LRRC8A: variants seen among roughly 807,000 people sequenced by gnomAD.
The protein encoded by LRRC8A is volume-regulated anion channel subunit LRRC8A.
In LRRC8A, 24 loss-of-function variants were observed where a neutral mutation model predicts 52.5. The observed-to-expected ratio is 0.46, with a 90% CI of 0.33 to 0.64. The LOEUF is 0.64. Ranked by LOEUF, LRRC8A falls within the 30% of genes least tolerant of loss-of-function variation. The pLI, the probability that LRRC8A is intolerant of heterozygous loss-of-function variation, is 0.02. For missense variants in LRRC8A, 677 were observed against 1,094.7 expected (o/e 0.62, Z 5.38); for synonymous variants, 492 against 494.2 (o/e 1.00, Z 0.06).
rs750473585 is a variant in LRRC8A, at chr9:128,907,010, G to A, written c.-8-147G>A. 125 of 738,714 alleles carry A rather than the reference G, an allele frequency of 1.7e-4. No homozygotes were observed. The highest frequency in any genetic ancestry group is 9.9e-4 in the East Asian group (39 of 39,414). The allele number at this position is 738,714 out of a possible 1,614,324, so 45.8% of individuals were successfully genotyped here. A position where few individuals can be genotyped will look rare whatever the true frequency, so the allele number is the denominator to read the frequency against. On this transcript the variant is annotated intron_variant, in intron 2 of 3. Coordinates refer to ENST00000372600, the MANE Select transcript of LRRC8A (RefSeq NM_019594.4). This position sits in a 1 kb window ranked among gnomAD's most constrained non-coding sequence, Gnocchi z 9.3. ...GAAGGGCTGATAAGTGGGCTGCCCCGTGGAGTAGGCAGGCTTTGGCTCCCA... is the reference window on the plus strand; with the variant it reads ...GAAGGGCTGATAAGTGGGCTGCCCCATGGAGTAGGCAGGCTTTGGCTCCCA...
chr9:128,889,984 G>A (rs1428736711), intron 2 of LRRC8A, among the ~76,000 whole-genome samples: 1 of 151,932 alleles, frequency 6.6e-6, no homozygotes, highest in Non-Finnish European at 1.5e-5. Context: ...TGTATTTTTA[G>A]TAGAGACGGG....
chr9:128,910,270 A>T (rs1840452866), intron 3 of LRRC8A, among the ~76,000 whole-genome samples: 1 of 152,220 alleles, frequency 6.6e-6, no homozygotes, highest in South Asian at 2.1e-4. Flanking sequence ...AGGAAGCCTG[A>T]GGCCAGGCGC....
chr9:128,905,616 G>A (rs1176356780), intron 2 of LRRC8A, among the ~76,000 whole-genome samples: 5 of 152,116 alleles, frequency 3.3e-5, no homozygotes, highest in African/African-American at 9.7e-5. Context: ...AGGCTGAGAC[G>A]GGCAGATCAG....
chr9:128,913,122 T>G (rs370219831), intron 3 of LRRC8A, among the ~76,000 whole-genome samples: 2 of 152,098 alleles, frequency 1.3e-5, no homozygotes, highest in South Asian at 4.1e-4. Flanking sequence ...GACAGGAGTC[T>G]GCAGAAGAGG....
chr9:128,900,290 G>A (rs1456860237), intron 2 of LRRC8A, among the ~76,000 whole-genome samples: 1 of 152,228 alleles, frequency 6.6e-6, no homozygotes, highest in African/African-American at 2.4e-5. Flanking sequence ...GACTCTGAGT[G>A]TATCGAGTCC....
intron 1 of LRRC8A, chr9:128,884,881 A>G (rs56255134): frequency 1.1e-3 from 165 of 152,366 alleles, no homozygotes; most frequent in Non-Finnish European, 2.0e-3. Context: ...CCTACCTCCC[A>G]TGACGGCGGA....
At chr9:128,889,772 C>T (rs1588198541) in intron 2 of LRRC8A, among the ~76,000 whole-genome samples, 1 of 151,768 alleles carries the variant, frequency 6.6e-6, no homozygotes, top group Non-Finnish European at 1.5e-5. Flanking sequence ...GGACTACAGC[C>T]GTGAGCCACT....
rs931962069 is a variant in LRRC8A at position 128,911,855 on chromosome 9, C to T, written c.2157+2534C>T. Among the ~76,000 whole-genome samples, 3 of 152,244 alleles carry T rather than the reference C, an allele frequency of 2.0e-5. No individual in the cohort carries two copies. Among genetic ancestry groups the T allele is most frequent in the Non-Finnish European group, 2.9e-5 (2 of 68,040 alleles). On this transcript the variant is annotated intron_variant, in intron 3 of 3. Coordinates refer to ENST00000372600, the MANE Select transcript of LRRC8A (RefSeq NM_019594.4). This position sits in a 1 kb window ranked among gnomAD's most constrained non-coding sequence, Gnocchi z 4.9. ...AGGGAAAACAGTTCACTTGGGCCAA[C>T]CCCAGGCAGGCCCCTCATTCTGAGT...
intron 2 of LRRC8A, among the ~76,000 whole-genome samples, chr9:128,888,581 C>G (rs1468008464): frequency 2.0e-5 from 3 of 152,054 alleles, no homozygotes; most frequent in Non-Finnish European, 4.4e-5. Flanking sequence ...GAGGGCCCAC[C>G]CTGCCACCTG....
intron 2 of LRRC8A, among the ~76,000 whole-genome samples, chr9:128,889,015 CTTGCGTGTGAGG>C (rs1385240281): frequency 6.6e-6 from 1 of 152,168 alleles, no homozygotes; most frequent in African/African-American, 2.4e-5. Flanking sequence ...TCGCCACAGC[CTTGCGTGTGAGG>C]TTGCTTTACC....
chr9:128,902,452 G>C lies in LRRC8A; in HGVS notation c.-8-4705G>C, dbSNP rs1006948664. Reference sequence around the variant, plus strand: ...GCCCCAGGTCGGCGGGGCTGGGGCGGCTCCTCGCAGAGGAAGCAGGTGTTT... The same window carrying C: ...GCCCCAGGTCGGCGGGGCTGGGGCGCCTCCTCGCAGAGGAAGCAGGTGTTT... On this transcript the variant is annotated intron_variant, in intron 2 of 3. Coordinates refer to ENST00000372600, the MANE Select transcript of LRRC8A (RefSeq NM_019594.4). The surrounding 1 kb of genome is among the most constrained non-coding windows in gnomAD (Gnocchi z 4.1). Among the ~76,000 whole-genome samples, 4 of 152,178 alleles carry C rather than the reference G, an allele frequency of 2.6e-5. No individual in the cohort carries two copies. The highest frequency in any genetic ancestry group is 9.6e-5 in the African/African-American group (4 of 41,454).
In LRRC8A at chr9:128,897,840, G is replaced by A. The variant is rs142833182; in HGVS notation, c.-8-9317G>A. Among the ~76,000 whole-genome samples, 499 of 151,930 alleles carry A rather than the reference G, an allele frequency of 3.3e-3. 2 individuals are homozygous for A. Among genetic ancestry groups the A allele is most frequent in the African/African-American group, 0.011 (461 of 41,430 alleles). ...ATTACAGGCGTACACCTCCGTGCCT[G>A]GCAAAATAATCTTTTTTCTTAATTA... On this transcript the variant is annotated intron_variant, in intron 2 of 3. Transcript: ENST00000372600.
rs1840856824 is a variant in LRRC8A, at chr9:128,917,097, AT to A, written c.*728del. 1 of 146,466 alleles carries A rather than the reference AT, an allele frequency of 6.8e-6. No individual in the cohort carries two copies. The highest frequency in any genetic ancestry group is 1.5e-5 in the Non-Finnish European group (1 of 66,722). The allele number at this position is 146,466 out of a possible 1,614,324, so 9.1% of individuals were successfully genotyped here. A position where few individuals can be genotyped will look rare whatever the true frequency, so the allele number is the denominator to read the frequency against. On this transcript the variant is annotated 3_prime_UTR_variant, in exon 4 of 4. Transcript: ENST00000372600. ...AGCTTTGAAAATGGATGGTTTGGGTATTAAAAAGAAAAAAAAAACTTAAAAA... is the reference window on the plus strand; with the variant it reads ...AGCTTTGAAAATGGATGGTTTGGGTATAAAAAGAAAAAAAAAACTTAAAAA...
intron 2 of LRRC8A, among the ~76,000 whole-genome samples, chr9:128,896,275 A>C (rs1839820262): frequency 6.6e-6 from 1 of 152,200 alleles, no homozygotes; most frequent in Non-Finnish European, 1.5e-5. Flanking sequence ...AATTGATTTA[A>C]AGCATTTCCA....
chr9:128,896,947 C>G (rs1588207142), intron 2 of LRRC8A, among the ~76,000 whole-genome samples: 1 of 152,132 alleles, frequency 6.6e-6, no homozygotes, highest in Non-Finnish European at 1.5e-5. Context: ...TGGTCTCAAA[C>G]TCCTGACCTC....
chr9:128,894,175 C>G (rs987081582), intron 2 of LRRC8A, among the ~76,000 whole-genome samples: 6 of 152,044 alleles, frequency 3.9e-5, no homozygotes, highest in African/African-American at 1.4e-4. Flanking sequence ...GCCACCGTGC[C>G]CAGCCATCAT....
At chr9:128,915,473 C>T (rs545546307) in intron 3 of LRRC8A, among the ~76,000 whole-genome samples, 65 of 152,160 alleles carry the variant, frequency 4.3e-4, no homozygotes, top group Admixed American at 1.2e-3. Flanking sequence ...TACAGGCGCC[C>T]GGCACCATGC....
intron 2 of LRRC8A, among the ~76,000 whole-genome samples, chr9:128,903,452 A>G (rs1302045393): frequency 2.9e-5 from 4 of 136,178 alleles, no homozygotes; most frequent in Admixed American, 1.6e-4. Flanking sequence ...TCGCTCTGTC[A>G]CCCAGGCTGG....
Position 128,902,807 on chromosome 9 carries a change from T to C in LRRC8A, c.-8-4350T>C, listed in dbSNP as rs578015671. Among the ~76,000 whole-genome samples the C allele has an allele frequency of 4.0e-4, 61 of 152,240 alleles. No homozygotes were observed. Among genetic ancestry groups the C allele is most frequent in the Non-Finnish European group, 7.4e-4 (50 of 67,988 alleles). On this transcript the variant is annotated intron_variant, in intron 2 of 3. Coordinates refer to ENST00000372600, the MANE Select transcript of LRRC8A (RefSeq NM_019594.4). This position sits in a 1 kb window ranked among gnomAD's most constrained non-coding sequence, Gnocchi z 4.1. ...TCATTAGAGGGCCCGGGCCTTCCTG[T>C]GGGGCGGGTGCTTGCCCTGGCCCGT... is the stretch of plus-strand genomic sequence containing the variant.
Sources: allele counts gnomAD v4.1 joint callset (sites outside exome capture counted in the v4.1 genomes callset), GRCh38; gene constraint gnomAD v4.1.1; non-coding constraint Gnocchi (gnomAD v3.1); transcripts MANE v1.5; gene names NCBI Gene and HGNC (gene_info 2026-07-23, HGNC 2026-07-21).